MVB12B: variants seen among roughly 807,000 people sequenced by gnomAD.
The protein encoded by MVB12B is ESCRT-I complex subunit MVB12B.
MVB12B carries 16 observed loss-of-function variants against 41.6 expected under a neutral mutation model. The ratio of observed to expected loss-of-function variants is 0.38; its 90% CI spans 0.26 to 0.58. The LOEUF (loss-of-function observed/expected upper bound fraction) is 0.58. Among genes scored for constraint, MVB12B ranks in the 20% least tolerant of loss-of-function variants. The probability of loss-of-function intolerance (pLI) is 0.62; values close to 1 mark genes in which losing one functional copy is unlikely to be tolerated. For synonymous variants in MVB12B, 133 were observed against 139.7 expected, an observed-to-expected ratio of 0.95 and a Z score of 0.34; for missense variants, 274 against 380.2, an observed-to-expected ratio of 0.72 and a Z score of 2.32.
In MVB12B at chr9:126,505,547, T is replaced by C. The variant is rs532469359; in HGVS notation, c.*2284T>C. On this transcript the variant is annotated 3_prime_UTR_variant, in exon 10 of 10. Coordinates refer to ENST00000361171, the MANE Select transcript of MVB12B (RefSeq NM_033446.3). ...GTAGTAAACGGCAGCTTAAGATAAG[T>C]AAGCAGAGACAGTGTTAAGGACGAG... 1.3e-5 allele frequency: 2 copies of C among 152,342 alleles called. No homozygotes were observed. The highest frequency in any genetic ancestry group is 3.9e-4 in the East Asian group (2 of 5,176). The allele number at this position is 152,342 out of a possible 1,614,324, so 9.4% of individuals were successfully genotyped here. A position where few individuals can be genotyped will look rare whatever the true frequency, so the allele number is the denominator to read the frequency against.
chr9:126,435,832 A>C (rs1267852262), intron 7 of MVB12B, among the ~76,000 whole-genome samples: 1 of 152,206 alleles, frequency 6.6e-6, no homozygotes, highest in Non-Finnish European at 1.5e-5. Flanking sequence ...AGTAGATTAG[A>C]CAACATCCTC....
chr9:126,446,446 T>G (rs1160827790), intron 7 of MVB12B, among the ~76,000 whole-genome samples: 1 of 151,654 alleles, frequency 6.6e-6, no homozygotes, highest in Non-Finnish European at 1.5e-5. Flanking sequence ...ATCTAAGTTT[T>G]TTTCAAATAT....
At chr9:126,466,639 G>A (rs1022903083) in intron 7 of MVB12B, among the ~76,000 whole-genome samples, 1 of 151,930 alleles carries the variant, frequency 6.6e-6, no homozygotes, top group Non-Finnish European at 1.5e-5. Context: ...TTGTTAAGGA[G>A]GAAAAAAGTG....
At chr9:126,440,452 G>A (rs983782231) in intron 7 of MVB12B, among the ~76,000 whole-genome samples, 3 of 152,204 alleles carry the variant, frequency 2.0e-5, no homozygotes, top group Admixed American at 6.5e-5. Context: ...TCTGCCACGA[G>A]TGAACTGTAA....
rs1834056452 is a variant in MVB12B, at chr9:126,505,745, A to C, written c.*2482A>C. The C allele has an allele frequency of 6.6e-6, 1 of 152,060 alleles. No homozygotes were observed. Among genetic ancestry groups the C allele is most frequent in the African/African-American group, 2.4e-5 (1 of 41,364 alleles). The allele number at this position is 152,060 out of a possible 1,614,324, so 9.4% of individuals were successfully genotyped here. On this transcript the variant is annotated 3_prime_UTR_variant, in exon 10 of 10. Coordinates refer to ENST00000361171, the MANE Select transcript of MVB12B (RefSeq NM_033446.3). ...ACCTGAGTGGGGCTCGTGCAGGAGA[A>C]CTGAGGCATGAAACTCTGGCTCAAA... is the stretch of plus-strand genomic sequence containing the variant.
rs183761934 is a variant in MVB12B, at chr9:126,391,851, C to T, written c.410-215C>T. 1.3e-4 allele frequency among the ~76,000 whole-genome samples: 20 copies of T among 152,290 alleles called. No homozygotes were observed. The highest frequency in any genetic ancestry group is 2.9e-5 in the Non-Finnish European group (2 of 68,024). ...ACTGCAGGGTGTGTGGTCCCCTTCT[C>T]AGCAGGGGGTGTCTGGGTTGGGTCC... On this transcript the variant is annotated intron_variant, in intron 4 of 9. Coordinates refer to ENST00000361171, the MANE Select transcript of MVB12B (RefSeq NM_033446.3). This position sits in a 1 kb window ranked among gnomAD's most constrained non-coding sequence, Gnocchi z 4.4.
Position 126,505,269 on chromosome 9 carries a change from C to T in MVB12B, c.*2006C>T, listed in dbSNP as rs1015911745. The T allele has an allele frequency of 1.3e-5, 2 of 152,210 alleles. No individual in the cohort carries two copies. Among genetic ancestry groups the T allele is most frequent in the African/African-American group, 4.8e-5 (2 of 41,448 alleles). The allele number at this position is 152,210 out of a possible 1,614,324, so 9.4% of individuals were successfully genotyped here. A position where few individuals can be genotyped will look rare whatever the true frequency, so the allele number is the denominator to read the frequency against. ...GGCTCAGAGGCAGTGGTGTGGGAGC[C>T]CTGTCTGCAAGGACGCAGAATAAGC... On this transcript the variant is annotated 3_prime_UTR_variant, in exon 10 of 10. Coordinates refer to ENST00000361171, the MANE Select transcript of MVB12B (RefSeq NM_033446.3).
At chr9:126,493,951 C>T (rs913941195) in intron 9 of MVB12B, among the ~76,000 whole-genome samples, 2 of 152,200 alleles carry the variant, frequency 1.3e-5, no homozygotes, top group East Asian at 3.9e-4. Flanking sequence ...AAGGTCGTTC[C>T]TCTTCCTGTG....
Position 126,505,703 on chromosome 9 carries a change from T to C in MVB12B, c.*2440T>C, listed in dbSNP as rs1333488080. On this transcript the variant is annotated 3_prime_UTR_variant, in exon 10 of 10. Transcript: ENST00000361171. ...GTATATGTGTGTGTGTGCACGCACA[T>C]GCGTGTGTATAAGCCCACCTGAGTG... 1.3e-5 allele frequency: 2 copies of C among 151,940 alleles called. No homozygotes were observed. The highest frequency in any genetic ancestry group is 2.9e-5 in the Non-Finnish European group (2 of 67,996). The allele number at this position is 151,940 out of a possible 1,614,324, so 9.4% of individuals were successfully genotyped here. A position where few individuals can be genotyped will look rare whatever the true frequency, so the allele number is the denominator to read the frequency against.
At chr9:126,380,063 T>C (rs964288737) in intron 2 of MVB12B, among the ~76,000 whole-genome samples, 2 of 152,296 alleles carry the variant, frequency 1.3e-5, no homozygotes, top group Middle Eastern at 3.4e-3. Flanking sequence ...CTGCAGAGTT[T>C]ATCCCAAAAC....
At chr9:126,364,324 T>C (rs1830104937) in intron 2 of MVB12B, among the ~76,000 whole-genome samples, 1 of 152,178 alleles carries the variant, frequency 6.6e-6, no homozygotes, top group African/African-American at 2.4e-5. Flanking sequence ...CAACTTGTCT[T>C]CTCTTAAATC....
At chr9:126,369,605 A>G (rs1830278865) in intron 2 of MVB12B, among the ~76,000 whole-genome samples, 1 of 151,474 alleles carries the variant, frequency 6.6e-6, no homozygotes, top group Non-Finnish European at 1.5e-5. Flanking sequence ...GATATCCTAC[A>G]TGGGATATAC....
chr9:126,486,645 T>G lies in MVB12B; in HGVS notation c.873+2613T>G, dbSNP rs1052972267. Among the ~76,000 whole-genome samples, 1 of 152,240 alleles carries G rather than the reference T, an allele frequency of 6.6e-6. No homozygotes were observed. The highest frequency in any genetic ancestry group is 1.5e-5 in the Non-Finnish European group (1 of 68,042). ...CTAATGGTGGCACCGTTTAAGCACC[T>G]GCTGTGTGCTCAGCCTGGGGCCTGA... On this transcript the variant is annotated intron_variant, in intron 9 of 9. Transcript: ENST00000361171. The surrounding 1 kb of genome is among the most constrained non-coding windows in gnomAD (Gnocchi z 4.7).
chr9:126,452,989 G>A (rs1366000831), intron 7 of MVB12B, among the ~76,000 whole-genome samples: 1 of 151,778 alleles, frequency 6.6e-6, no homozygotes, highest in Non-Finnish European at 1.5e-5. Flanking sequence ...TAAAAGCTCT[G>A]GACTCAAGTC....
chr9:126,333,289 A>G lies in MVB12B; in HGVS notation c.81+6279A>G, dbSNP rs970863716. Among the ~76,000 whole-genome samples, 1 of 152,096 alleles carries G rather than the reference A, an allele frequency of 6.6e-6. No individual in the cohort carries two copies. On this transcript the variant is annotated intron_variant, in intron 1 of 9. Transcript: ENST00000361171. The surrounding 1 kb of genome is among the most constrained non-coding windows in gnomAD (Gnocchi z 4.7). ...TTTAGTAAAGACAGGATTTCACCAT[A>G]TGGGCCAGGCTGGTCTCGAACTCCT... is the stretch of plus-strand genomic sequence containing the variant.
chr9:126,353,018 C>T (rs1424456842), intron 2 of MVB12B, among the ~76,000 whole-genome samples: 2 of 152,106 alleles, frequency 1.3e-5, no homozygotes, highest in East Asian at 3.8e-4. Flanking sequence ...AGGCTGTTTG[C>T]AGGAGGGATT....
chr9:126,424,925 G>T (rs1397119561), intron 7 of MVB12B, among the ~76,000 whole-genome samples: 1 of 152,202 alleles, frequency 6.6e-6, no homozygotes, highest in East Asian at 1.9e-4. Context: ...TCAAGTCAGG[G>T]GTGGGAGGTG....
Position 126,395,875 on chromosome 9 carries a change from T to C in MVB12B, c.662+178T>C. The C allele has an allele frequency of 7.0e-7, 1 of 1,425,074 alleles. No individual in the cohort carries two copies. Among genetic ancestry groups the C allele is most frequent in the Non-Finnish European group, 9.2e-7 (1 of 1,092,178 alleles). 88.3% of individuals were successfully genotyped at this position (1,425,074 alleles called of 1,614,324 possible). On this transcript the variant is annotated intron_variant, in intron 6 of 9. Transcript: ENST00000361171. This position sits in a 1 kb window ranked among gnomAD's most constrained non-coding sequence, Gnocchi z 4.9. ...TCCACTTGGAAATCTTTGCATTACATGAATGCAAAGGCCATTCTATAGTCT... is the reference window on the plus strand; with the variant it reads ...TCCACTTGGAAATCTTTGCATTACACGAATGCAAAGGCCATTCTATAGTCT...
chr9:126,378,611 TTCTC>T (rs1564298232), intron 2 of MVB12B, among the ~76,000 whole-genome samples: 1 of 149,394 alleles, frequency 6.7e-6, no homozygotes, highest in African/African-American at 2.5e-5. Flanking sequence ...CTCTCTCTCT[TTCTC>T]TCTCTCTCTT....
Sources: allele counts gnomAD v4.1 joint callset (sites outside exome capture counted in the v4.1 genomes callset), GRCh38; gene constraint gnomAD v4.1.1; non-coding constraint Gnocchi (gnomAD v3.1); transcripts MANE v1.5; gene names NCBI Gene and HGNC (gene_info 2026-07-23, HGNC 2026-07-21).